The following C8orf34 variants were observed in gnomAD, a reference collection of about 807,000 sequenced individuals.
C8orf34 encodes the protein chromosome 8 open reading frame 34, also known as uncharacterized protein C8orf34.
Under a neutral mutation model 68.3 loss-of-function variants are expected in C8orf34, and 65 were observed. That is an observed-to-expected ratio of 0.95 (90% CI 0.78 to 1.17). The LOEUF is 1.17. Ranked by LOEUF, C8orf34 falls within the 50% of genes most tolerant of loss-of-function variation. The probability of loss-of-function intolerance (pLI) is 0.00; values close to 1 mark genes in which losing one functional copy is unlikely to be tolerated. For missense variants in C8orf34, 664 were observed against 655.4 expected (o/e 1.01, Z -0.14); for synonymous variants, 244 against 241.2 (o/e 1.01, Z -0.11).
intron 9 of C8orf34, among the ~76,000 whole-genome samples, chr8:68,719,414 A>C (rs1165564955): frequency 6.6e-6 from 1 of 152,048 alleles, no homozygotes; most frequent in African/African-American, 2.4e-5. Flanking sequence ...TGTAAATCAT[A>C]CAAAGTTACT....
chr8:68,680,898 G>A (rs983112696), intron 8 of C8orf34, among the ~76,000 whole-genome samples: 2 of 152,024 alleles, frequency 1.3e-5, no homozygotes, highest in African/African-American at 4.8e-5. Flanking sequence ...TTATCTCAAT[G>A]GCATAAGACA....
chr8:68,631,035 C>T (rs868127265), intron 7 of C8orf34, among the ~76,000 whole-genome samples: 7 of 148,956 alleles, frequency 4.7e-5, no homozygotes, highest in South Asian at 2.1e-4. Flanking sequence ...GAGGCTGAAG[C>T]GGGCAGATCA....
At chr8:68,466,663 A>C (rs1812149649) in intron 3 of C8orf34, among the ~76,000 whole-genome samples, 1 of 150,606 alleles carries the variant, frequency 6.6e-6, no homozygotes, top group African/African-American at 2.5e-5. Context: ...GATTACTAAC[A>C]GGGTTTTGCG....
chr8:68,776,555 A>T lies in C8orf34; in HGVS notation c.1455+106A>T, dbSNP rs748417498. 20 of 825,476 alleles carry T rather than the reference A, an allele frequency of 2.4e-5. No individual in the cohort carries two copies. The Middle Eastern group carries it at 1.0e-3, about 42-fold the overall frequency. 51.1% of individuals were successfully genotyped at this position (825,476 alleles called of 1,614,324 possible). ...TCTACTTGTAGGGTTTCTAGTCTGT[A>T]TGTGTTCAATGGTCATGTCCACAAA... On this transcript the variant is annotated intron_variant, in intron 11 of 13. Coordinates refer to ENST00000518698, the MANE Select transcript of C8orf34 (RefSeq NM_052958.4).
intron 1 of C8orf34, among the ~76,000 whole-genome samples, chr8:68,344,975 A>G (rs1464025818): frequency 6.6e-6 from 1 of 152,128 alleles, no homozygotes; most frequent in Non-Finnish European, 1.5e-5. Context: ...AAAGTAAGTA[A>G]TATTTAGTTA....
At chr8:68,438,046 T>C (rs959043875) in intron 1 of C8orf34, 1 of 152,218 alleles carries the variant, frequency 6.6e-6, no homozygotes, top group Non-Finnish European at 1.5e-5. Context: ...AATTGTTGTT[T>C]ATTGGTACAA....
chr8:68,645,223 G>T (rs775506665), intron 8 of C8orf34, among the ~76,000 whole-genome samples: 5 of 152,094 alleles, frequency 3.3e-5, no homozygotes, highest in Non-Finnish European at 5.9e-5. Context: ...GCTGTGAAAC[G>T]GAGTTCATAT....
At chr8:68,549,594 T>C (rs924179655) in intron 7 of C8orf34, among the ~76,000 whole-genome samples, 3 of 151,744 alleles carry the variant, frequency 2.0e-5, no homozygotes, top group Admixed American at 6.6e-5. Flanking sequence ...TTTTTATATA[T>C]AAAAATCATG....
In C8orf34 at chr8:68,426,416, G is replaced by A. The variant is rs368091930; in HGVS notation, c.328-13083G>A. On this transcript the variant is annotated intron_variant, in intron 1 of 13. Coordinates refer to ENST00000518698, the MANE Select transcript of C8orf34 (RefSeq NM_052958.4). ...CTCCTGTAGTCCCAAATGCTCGGGG[G>A]CCCAAGGTGGGAAAATCGCTTCAAC... is the stretch of plus-strand genomic sequence containing the variant. Among the ~76,000 whole-genome samples the A allele has an allele frequency of 6.0e-5, 9 of 151,054 alleles. No homozygotes were observed. The East Asian group carries it at 1.4e-3, about 23-fold the overall frequency.
intron 2 of C8orf34, among the ~76,000 whole-genome samples, chr8:68,440,935 G>T (rs1245917338): frequency 6.6e-6 from 1 of 151,878 alleles, no homozygotes; most frequent in Non-Finnish European, 1.5e-5. Context: ...CTCCCGAGTA[G>T]CTGGAACTAC....
At chr8:68,689,752 T>C (rs1488515190) in intron 8 of C8orf34, among the ~76,000 whole-genome samples, 1 of 152,054 alleles carries the variant, frequency 6.6e-6, no homozygotes, top group African/African-American at 2.4e-5. Context: ...TGGTCTGTTT[T>C]GGGTTCTATC....
intron 5 of C8orf34, among the ~76,000 whole-genome samples, chr8:68,501,613 T>C (rs1208625323): frequency 6.6e-6 from 1 of 152,164 alleles, no homozygotes; most frequent in Non-Finnish European, 1.5e-5. Context: ...GATATAGGTA[T>C]GGGTTTCATT....
At position 68,533,080 on chromosome 8, in the gene C8orf34, A is replaced by G. The variant is rs746909342; in HGVS notation, c.1036A>G (p.Ile346Val). Residue 346 changes from isoleucine to valine, a missense_variant, in exon 7 of 14, where the codon ATC (isoleucine) becomes GTC (valine). Transcript: ENST00000518698. The part of the protein sequence containing the change: ...AMLSQDSFES[I>V]HSPTPSVTEE... ...GCTCTCTCAAGATTCTTTTGAGTCC[A>G]TCCACAGCCCTACCCCATCTGTAAC... 4 of 1,613,436 alleles carry G rather than the reference A, an allele frequency of 2.5e-6. No individual in the cohort carries two copies. Among genetic ancestry groups the G allele is most frequent in the South Asian group, 1.1e-5 (1 of 91,030 alleles).
intron 7 of C8orf34, among the ~76,000 whole-genome samples, chr8:68,614,364 C>G (rs1306598105): frequency 1.3e-5 from 2 of 152,102 alleles, no homozygotes; most frequent in Admixed American, 1.3e-4. Flanking sequence ...AGTCCTTGCC[C>G]ATGCCTATGT....
intron 8 of C8orf34, among the ~76,000 whole-genome samples, chr8:68,661,814 A>G (rs1055620806): frequency 6.6e-6 from 1 of 152,026 alleles, no homozygotes; most frequent in Non-Finnish European, 1.5e-5. Flanking sequence ...CCCTTTCCTT[A>G]CTGTCTGCCT....
At chr8:68,735,882 C>T (rs1822108735) in intron 10 of C8orf34, among the ~76,000 whole-genome samples, 1 of 152,040 alleles carries the variant, frequency 6.6e-6, no homozygotes, top group African/African-American at 2.4e-5. Flanking sequence ...GTGAAACTGC[C>T]CAATTTAAAT....
intron 5 of C8orf34, among the ~76,000 whole-genome samples, chr8:68,502,163 T>C (rs1813804511): frequency 6.6e-6 from 1 of 152,138 alleles, no homozygotes; most frequent in African/African-American, 2.4e-5. Context: ...CCTCCCAGGT[T>C]CAAGCGATTC....
chr8:68,424,436 C>T (rs1485480671), intron 1 of C8orf34, among the ~76,000 whole-genome samples: 5 of 151,876 alleles, frequency 3.3e-5, no homozygotes, highest in African/African-American at 1.2e-4. Context: ...CTTATCATAC[C>T]AAGAAATAGG....
At chr8:68,753,963 T>C (rs771125013) in intron 10 of C8orf34, among the ~76,000 whole-genome samples, 1 of 152,118 alleles carries the variant, frequency 6.6e-6, no homozygotes, top group African/African-American at 2.4e-5. Flanking sequence ...AGAGGTCAAG[T>C]CATGCTCTAG....
Sources: gnomAD v4.1 joint callset for allele counts (sites outside exome capture counted in the v4.1 genomes callset) on GRCh38, gnomAD v4.1.1 for gene constraint, MANE v1.5 for transcripts, NCBI Gene and HGNC (gene_info 2026-07-23, HGNC 2026-07-21) for gene names.